NEBL: variants seen among roughly 807,000 people sequenced by gnomAD.
The protein encoded by NEBL is nebulette.
In NEBL, 122 loss-of-function variants were observed where a neutral mutation model predicts 140.2. The observed-to-expected ratio is 0.87, with a 90% CI of 0.75 to 1.01. NEBL has a LOEUF of 1.01. NEBL is among the 50% of genes least tolerant of loss of function. The pLI is 0.00. For missense variants in NEBL, 1,365 were observed against 1,231.3 expected (o/e 1.11, Z -1.62); for synonymous variants, 436 against 398.9 (o/e 1.09, Z -1.11).
chr10:20,988,235 G>A (rs1373668466), intron 3 of NEBL, among the ~76,000 whole-genome samples: 1 of 152,038 alleles, frequency 6.6e-6, no homozygotes, highest in Non-Finnish European at 1.5e-5. Context: ...TTTCAACTAA[G>A]CCCTTAGCCA....
chr10:21,182,390 C>T (rs1028879172), intron 3 of NEBL, among the ~76,000 whole-genome samples: 2 of 152,110 alleles, frequency 1.3e-5, no homozygotes, highest in Admixed American at 6.6e-5. Context: ...GAAGGAGGAT[C>T]GTTTGAATCC....
intron 2 of NEBL, chr10:21,029,754 T>C (rs1833700269): frequency 5.1e-6 from 4 of 791,154 alleles, no homozygotes; most frequent in Admixed American, 1.8e-5. Context: ...TGGATCGATA[T>C]GGCTGGCGGT....
intron 1 of NEBL, among the ~76,000 whole-genome samples, chr10:21,273,724 C>A (rs1239301606): frequency 6.6e-6 from 1 of 152,218 alleles, no homozygotes; most frequent in Non-Finnish European, 1.5e-5. Flanking sequence ...GACCCAGGAA[C>A]CAGGGAGTTG....
intron 3 of NEBL, among the ~76,000 whole-genome samples, chr10:21,019,005 C>G (rs1564481951): frequency 6.6e-6 from 1 of 152,194 alleles, no homozygotes; most frequent in Non-Finnish European, 1.5e-5. Flanking sequence ...CCAGCCTGGG[C>G]AACAGAGCAA....
At chr10:20,895,329 T>A (rs988297136) in intron 2 of NEBL, among the ~76,000 whole-genome samples, 1 of 152,142 alleles carries the variant, frequency 6.6e-6, no homozygotes, top group African/African-American at 2.4e-5. Flanking sequence ...AGTAACATAA[T>A]AATAATAAGG....
chr10:21,191,987 G>A (rs1205149393), intron 3 of NEBL, among the ~76,000 whole-genome samples: 3 of 152,098 alleles, frequency 2.0e-5, no homozygotes, highest in South Asian at 2.1e-4. Context: ...GAGTATTAAA[G>A]GGTTATTGAT....
intron 2 of NEBL, among the ~76,000 whole-genome samples, chr10:21,152,912 C>A (rs893038753): frequency 1.3e-5 from 2 of 152,172 alleles, no homozygotes; most frequent in East Asian, 1.9e-4. Context: ...AATAGAATAA[C>A]CCCATAGAAA....
chr10:20,910,579 C>CATTG (rs1848286883), intron 4 of NEBL, among the ~76,000 whole-genome samples: 1 of 152,102 alleles, frequency 6.6e-6, no homozygotes, highest in Non-Finnish European at 1.5e-5. Flanking sequence ...AAGGAGCAAG[C>CATTG]ATTGGAAGGG....
chr10:21,072,422 G>T (rs376548903), intron 2 of NEBL, among the ~76,000 whole-genome samples: 2 of 152,300 alleles, frequency 1.3e-5, no homozygotes, highest in South Asian at 4.1e-4. Context: ...AGGTGGACAT[G>T]TCTGTTGGGT....
chr10:21,118,383 G>C (rs901610254), intron 2 of NEBL, among the ~76,000 whole-genome samples: 5 of 152,130 alleles, frequency 3.3e-5, no homozygotes, highest in African/African-American at 4.8e-5. Flanking sequence ...CACAGACATT[G>C]ACTCCATTTT....
At chr10:20,880,186 A>C (rs788954) in intron 5 of NEBL, among the ~76,000 whole-genome samples, 146,590 of 152,156 alleles carry the variant, frequency 0.96, 70,798 homozygotes, top group Middle Eastern at 1. Context: ...GATGGTGAAA[A>C]CCCGTCTCTA....
intron 2 of NEBL, among the ~76,000 whole-genome samples, chr10:21,164,405 A>C (rs1418518062): frequency 6.6e-6 from 1 of 152,218 alleles, no homozygotes; most frequent in East Asian, 1.9e-4. Context: ...CTCGTCTGAA[A>C]ACATTTAAAG....
chr10:20,864,305 A>G (rs946912201), intron 7 of NEBL, among the ~76,000 whole-genome samples: 6 of 152,134 alleles, frequency 3.9e-5, no homozygotes, highest in African/African-American at 1.4e-4. Context: ...TTCGCATAGG[A>G]GATTTTTGTT....
intron 1 of NEBL, among the ~76,000 whole-genome samples, chr10:21,262,992 C>A (rs942698416): frequency 6.6e-6 from 1 of 152,240 alleles, no homozygotes; most frequent in African/African-American, 2.4e-5. Flanking sequence ...ACAGTACCCA[C>A]AGCCCCTTTG....
Position 20,785,330 on chromosome 10 carries a change from G to T in NEBL, c.*417C>A, listed in dbSNP as rs542688075. On this transcript the variant is annotated 3_prime_UTR_variant, in exon 28 of 28. Coordinates refer to ENST00000377122, the MANE Select transcript of NEBL (RefSeq NM_006393.3). ...GCCTCATGACTCAAAAGCAAAACGG[G>T]TTTGAAATTATTGGCTGCATTACAG... is the stretch of plus-strand genomic sequence containing the variant. The T allele has an allele frequency of 5.8e-5, 12 of 207,920 alleles. No homozygotes were observed. In the East Asian group the frequency reaches 1.3e-3, roughly 23 times the overall value. 12.9% of individuals were successfully genotyped at this position (207,920 alleles called of 1,614,324 possible).
chr10:21,242,434 A>G (rs780404833), intron 3 of NEBL, among the ~76,000 whole-genome samples: 6 of 152,122 alleles, frequency 3.9e-5, no homozygotes, highest in Admixed American at 1.3e-4. Flanking sequence ...ACACGGACAC[A>G]AAGAAGGGAA....
At chr10:21,027,484 T>C (rs1021546395) in intron 2 of NEBL, among the ~76,000 whole-genome samples, 2 of 151,900 alleles carry the variant, frequency 1.3e-5, no homozygotes, top group African/African-American at 4.8e-5. Flanking sequence ...ACTGCCACCA[T>C]GTCAGGCTAA....
chr10:20,898,959 A>G (rs1013646622), upstream of NEBL, among the ~76,000 whole-genome samples: 3 of 152,200 alleles, frequency 2.0e-5, no homozygotes, highest in African/African-American at 7.2e-5. Flanking sequence ...GGCTAAATTA[A>G]TGGTATCACA....
intron 3 of NEBL, among the ~76,000 whole-genome samples, chr10:21,009,088 C>G (rs1308091459): frequency 2.0e-5 from 3 of 152,076 alleles, no homozygotes; most frequent in Non-Finnish European, 4.4e-5. Flanking sequence ...GATATGTTCT[C>G]TGTCCAATAG....
Sources: gnomAD v4.1 joint callset for allele counts (sites outside exome capture counted in the v4.1 genomes callset) on GRCh38, gnomAD v4.1.1 for gene constraint, MANE v1.5 for transcripts, NCBI Gene and HGNC (gene_info 2026-07-23, HGNC 2026-07-21) for gene names.